Variants in DENND5B observed in about 807,000 individuals in gnomAD.
The protein encoded by DENND5B is DENN domain containing 5B, also known as DENN domain-containing protein 5B.
In DENND5B, 34 loss-of-function variants were observed where a neutral mutation model predicts 140.6. The ratio of observed to expected loss-of-function variants is 0.24; its 90% CI spans 0.18 to 0.32. The LOEUF is 0.32. Among genes scored for constraint, DENND5B ranks in the 10% least tolerant of loss-of-function variants. The pLI is 1.00. For missense variants in DENND5B, 1,142 were observed against 1,560.2 expected (o/e 0.73, Z 4.52); for synonymous variants, 551 against 562.1 (o/e 0.98, Z 0.28).
At chr12:31,540,669 C>T (rs1254922634) in intron 1 of DENND5B, among the ~76,000 whole-genome samples, 4 of 150,114 alleles carry the variant, frequency 2.7e-5, no homozygotes, top group East Asian at 2.0e-4. Context: ...CCAACCCCCC[C>T]ACCAAAAAAA....
chr12:31,587,526 CTTTTTTTTTTTTTTTTTTT>C (rs71460995), intron 1 of DENND5B, among the ~76,000 whole-genome samples: 21 of 74,946 alleles, frequency 2.8e-4, no homozygotes, highest in Non-Finnish European at 3.9e-4. Flanking sequence ...CCACAAATAC[CTTTTTTTTTTTTTTTTTTT>C]TTTTTTTTTT....
intron 1 of DENND5B, among the ~76,000 whole-genome samples, chr12:31,570,512 C>G (rs938173759): frequency 6.7e-6 from 1 of 150,074 alleles, no homozygotes; most frequent in Non-Finnish European, 1.5e-5. Context: ...CTCCTGACCT[C>G]GTGATCCACC....
At chr12:31,550,060 T>G (rs1948990670) in intron 1 of DENND5B, among the ~76,000 whole-genome samples, 1 of 152,054 alleles carries the variant, frequency 6.6e-6, no homozygotes, top group East Asian at 1.9e-4. Context: ...TTTCTTTTTT[T>G]TTTAAATTTT....
intron 15 of DENND5B, among the ~76,000 whole-genome samples, chr12:31,400,837 G>GTTTT (rs368442172): frequency 2.6e-5 from 3 of 114,002 alleles, no homozygotes; most frequent in Non-Finnish European, 1.8e-5. Context: ...AGAGCTACGA[G>GTTTT]TTTTTTTTTT....
At chr12:31,424,989 G>A (rs1943171484) in intron 9 of DENND5B, among the ~76,000 whole-genome samples, 1 of 152,200 alleles carries the variant, frequency 6.6e-6, no homozygotes, top group Non-Finnish European at 1.5e-5. Context: ...TAACTTCTGT[G>A]ATATTGGGGA....
intron 14 of DENND5B, among the ~76,000 whole-genome samples, chr12:31,407,192 G>T (rs189023917): frequency 1.3e-5 from 2 of 151,592 alleles, no homozygotes; most frequent in Admixed American, 6.6e-5. Flanking sequence ...GTGCAGTGGC[G>T]CAATCTCGGC....
chr12:31,437,830 C>T (rs776050329), intron 7 of DENND5B, among the ~76,000 whole-genome samples: 3 of 152,248 alleles, frequency 2.0e-5, no homozygotes, highest in Non-Finnish European at 2.9e-5. Flanking sequence ...ATTCTATAAA[C>T]ATTTTAATTT....
At chr12:31,416,525 A>C (rs1942748787) in intron 11 of DENND5B, among the ~76,000 whole-genome samples, 1 of 151,874 alleles carries the variant, frequency 6.6e-6, no homozygotes, top group Non-Finnish European at 1.5e-5. Flanking sequence ...TGGCCTCCCA[A>C]AGTGCTGGGA....
rs1943119198 is a variant in DENND5B at position 31,423,614 on chromosome 12, T to C, written c.2453A>G (p.His818Arg). The C allele has an allele frequency of 6.2e-7, 1 of 1,613,958 alleles. No homozygotes were observed. The highest frequency in any genetic ancestry group is 8.5e-7 in the Non-Finnish European group (1 of 1,179,866). ...TGTCATACCTGGTGATTCTGCAAGG[T>C]GCTCTTGTTTCTCTTCTCTGTCCTG... ...QFQDREEKQEHLAESPVALGP... is the reference protein window; with the variant it reads ...QFQDREEKQERLAESPVALGP... The change falls in exon 11 of 21, where the codon CAC (histidine) becomes CGC (arginine). Residue 818 changes from histidine to arginine, a missense_variant. His to Arg is a conservative substitution (Grantham distance 29). Coordinates refer to ENST00000389082, the MANE Select transcript of DENND5B (RefSeq NM_144973.4).
intron 12 of DENND5B, 134 bp downstream of exon 12, chr12:31,415,233 C>T (rs1460014110): frequency 1.0e-5 from 6 of 576,016 alleles, no homozygotes; most frequent in Non-Finnish European, 1.8e-5. Flanking sequence ...TAAATGAAAT[C>T]ATAAAAAATG....
At chr12:31,566,313 A>G (rs190966159) in intron 1 of DENND5B, among the ~76,000 whole-genome samples, 155 of 148,642 alleles carry the variant, frequency 1.0e-3, no homozygotes, top group African/African-American at 3.8e-3. Context: ...CCAGGGAAAC[A>G]TAGTGAGAAC....
intron 3 of DENND5B, 84 bp from the exon 4 acceptor site, chr12:31,460,465 G>T: frequency 7.2e-7 from 1 of 1,384,322 alleles, no homozygotes; most frequent in Non-Finnish European, 9.8e-7. Flanking sequence ...TGGATCTTAA[G>T]AAAAAAATTT....
chr12:31,564,401 T>C (rs1393510302), intron 1 of DENND5B, among the ~76,000 whole-genome samples: 1 of 151,818 alleles, frequency 6.6e-6, no homozygotes, highest in Non-Finnish European at 1.5e-5. Flanking sequence ...GTAGGAACTG[T>C]TAAGAGTCCA....
At chr12:31,554,092 T>G (rs986999501) in intron 1 of DENND5B, among the ~76,000 whole-genome samples, 3 of 152,246 alleles carry the variant, frequency 2.0e-5, no homozygotes, top group Non-Finnish European at 4.4e-5. Flanking sequence ...ATGTGTGAAT[T>G]TGATCCTGTC....
chr12:31,443,713 C>T (rs1200380891), intron 6 of DENND5B: 1 of 152,134 alleles, frequency 6.6e-6, no homozygotes, highest in African/African-American at 2.4e-5. Context: ...ATTAAATATT[C>T]GTGGTTCTCC....
At chr12:31,492,459 A>T (rs1214555885) in intron 2 of DENND5B, among the ~76,000 whole-genome samples, 4 of 152,182 alleles carry the variant, frequency 2.6e-5, no homozygotes, top group African/African-American at 9.7e-5. Context: ...CAGCCTCCAG[A>T]GTAGCTGGGA....
At chr12:31,560,965 C>T (rs764642650) in intron 1 of DENND5B, among the ~76,000 whole-genome samples, 1 of 152,128 alleles carries the variant, frequency 6.6e-6, no homozygotes, top group Non-Finnish European at 1.5e-5. Flanking sequence ...GCTTAGTGAG[C>T]TCATTTCACC....
chr12:31,401,340 G>A (rs1483255396), intron 15 of DENND5B, among the ~76,000 whole-genome samples: 1 of 152,124 alleles, frequency 6.6e-6, no homozygotes, highest in Non-Finnish European at 1.5e-5. Context: ...ATGAAGAAAA[G>A]CCAAGGGTTT....
chr12:31,523,224 G>C (rs1247998259), intron 1 of DENND5B, among the ~76,000 whole-genome samples: 1 of 151,936 alleles, frequency 6.6e-6, no homozygotes, highest in Non-Finnish European at 1.5e-5. Context: ...ACACCTGCCT[G>C]GCTAATTTTT....
Sources: gnomAD v4.1 joint callset for allele counts (sites outside exome capture counted in the v4.1 genomes callset) on GRCh38, gnomAD v4.1.1 for gene constraint, MANE v1.5 for transcripts, NCBI Gene and HGNC (gene_info 2026-07-23, HGNC 2026-07-21) for gene names.